Variants in WWP1 observed in about 807,000 individuals in gnomAD.
WWP1 encodes NEDD4-like E3 ubiquitin-protein ligase WWP1.
A neutral mutation model predicts 130.6 loss-of-function variants in WWP1; 49 were observed. The observed-to-expected ratio is 0.38, with a 90% confidence interval of 0.30 to 0.48. The LOEUF (loss-of-function observed/expected upper bound fraction) is 0.48. Ranked by LOEUF, WWP1 falls within the 20% of genes least tolerant of loss-of-function variation. The probability of loss-of-function intolerance (pLI) is 0.99; values close to 1 mark genes in which losing one functional copy is unlikely to be tolerated. For synonymous variants in WWP1, 332 were observed against 367.8 expected (o/e 0.90, Z 1.11); for missense variants, 809 against 1,100.6 (o/e 0.74, Z 3.75).
chr8:86,362,163 CATATATATATATATATATAT>C lies in WWP1; in HGVS notation c.-114-6756_-114-6737del, dbSNP rs34231831. The stretch of plus-strand genomic sequence containing the variant: ...ATACTAGGCATATATATATACAAGG[CATATATATATATATATATAT>C]ATATATATATATATATATACTGGAA... On this transcript the variant is annotated intron_variant, in intron 1 of 24. Coordinates refer to ENST00000517970, the MANE Select transcript of WWP1 (RefSeq NM_007013.4). Among the ~76,000 whole-genome samples, 147 of 59,022 alleles carry C rather than the reference CATATATATATATATATATAT, an allele frequency of 2.5e-3. 2 individuals carry two copies. The East Asian group carries it at 0.037, about 15-fold the overall frequency. The allele number at this position is 59,022 out of a possible 152,430, so 38.7% of individuals were successfully genotyped here.
intron 4 of WWP1, among the ~76,000 whole-genome samples, chr8:86,381,127 G>A (rs1345790329): frequency 6.6e-6 from 1 of 152,022 alleles, no homozygotes; most frequent in Non-Finnish European, 1.5e-5. Flanking sequence ...CTGCAAATTA[G>A]TCATTCTTAA....
At chr8:86,423,855 G>T (rs1355947498) in intron 9 of WWP1, among the ~76,000 whole-genome samples, 1 of 136,788 alleles carries the variant, frequency 7.3e-6, no homozygotes, top group Non-Finnish European at 1.6e-5. Context: ...GGGCAGAGGC[G>T]CCCCCCACCT....
chr8:86,381,211 T>A (rs1343987096), intron 4 of WWP1, among the ~76,000 whole-genome samples: 2 of 152,222 alleles, frequency 1.3e-5, no homozygotes, highest in African/African-American at 4.8e-5. Flanking sequence ...TAGACATTTG[T>A]TCAAATACAA....
chr8:86,392,182 T>C (rs780490492), intron 5 of WWP1, among the ~76,000 whole-genome samples: 4 of 152,190 alleles, frequency 2.6e-5, no homozygotes, highest in Non-Finnish European at 5.9e-5. Context: ...AAATCATTTG[T>C]GCTGAGTTTG....
chr8:86,364,833 A>AAGAGAGAGAGAGAGAGAGAGAG (rs1012959189), intron 1 of WWP1, among the ~76,000 whole-genome samples: 1 of 113,742 alleles, frequency 8.8e-6, no homozygotes, highest in African/African-American at 3.1e-5. Context: ...GAAAGAAAGA[A>AAGAGAGAGAGAGAGAGAGAGAG]AGAGAGAGAG....
At chr8:86,444,883 T>C (rs922628140) in intron 18 of WWP1, among the ~76,000 whole-genome samples, 6 of 152,124 alleles carry the variant, frequency 3.9e-5, no homozygotes, top group African/African-American at 1.2e-4. Flanking sequence ...ACTAAGTATC[T>C]TAGTCTGTTT....
At chr8:86,351,475 A>G (rs936286097) in intron 1 of WWP1, among the ~76,000 whole-genome samples, 1 of 151,160 alleles carries the variant, frequency 6.6e-6, no homozygotes, top group African/African-American at 2.4e-5. Flanking sequence ...AGTAGCTGGG[A>G]CTACAGTTAC....
At chr8:86,379,468 G>A (rs922401705) in intron 3 of WWP1, among the ~76,000 whole-genome samples, 4 of 152,154 alleles carry the variant, frequency 2.6e-5, no homozygotes, top group East Asian at 3.9e-4. Flanking sequence ...CTTAACATCC[G>A]GTGTGTATGA....
At chr8:86,369,088 A>G (rs1457764790) in intron 2 of WWP1, 57 bp downstream of exon 2, 2 of 152,146 alleles carry the variant, frequency 1.3e-5, no homozygotes, top group Non-Finnish European at 2.9e-5. Context: ...CAGACTTCAT[A>G]CATTTTGATA....
Position 86,411,695 on chromosome 8 carries a change from A to G in WWP1, c.882A>G (p.Glu294=), listed in dbSNP as rs1808595764. Residue 294 remains glutamate, a synonymous_variant, in exon 9 of 25, where the codon GAA becomes GAG. Coordinates refer to ENST00000517970, the MANE Select transcript of WWP1 (RefSeq NM_007013.4). ...QEILTSSENN[E]CIPSTSAELE... ...TACTGACTTCCTCAGAAAACAATGA[A>G]TGTATTCCTTCTACCAGTGCAGAAT... 6.2e-7 allele frequency: 1 copy of G among 1,614,166 alleles called. No homozygotes were observed. Among genetic ancestry groups the G allele is most frequent in the Non-Finnish European group, 8.5e-7 (1 of 1,180,022 alleles).
chr8:86,379,387 G>A lies in WWP1; in HGVS notation c.71-1339G>A, dbSNP rs1397054454. On this transcript the variant is annotated intron_variant, in intron 3 of 24. Coordinates refer to ENST00000517970, the MANE Select transcript of WWP1 (RefSeq NM_007013.4). ...CACATTGTATTTCAGTGATTTATTT[G>A]TGTGACTATTTAGATTATTATTCTC... 3.3e-5 allele frequency among the ~76,000 whole-genome samples: 5 copies of A among 152,108 alleles called. No homozygotes were observed. The East Asian group carries it at 5.8e-4, about 18-fold the overall frequency.
chr8:86,421,822 C>G (rs920178504), intron 9 of WWP1, among the ~76,000 whole-genome samples: 3 of 143,142 alleles, frequency 2.1e-5, no homozygotes, highest in African/African-American at 7.7e-5. Context: ...GACGCCATCT[C>G]AAAAAAAAAA....
chr8:86,427,347 T>C (rs995797471), intron 10 of WWP1, among the ~76,000 whole-genome samples: 7 of 151,242 alleles, frequency 4.6e-5, no homozygotes, highest in Admixed American at 4.6e-4. Flanking sequence ...TGTATACCTG[T>C]GTAACAAACC....
At chr8:86,407,817 C>T (rs931113758) in intron 8 of WWP1, among the ~76,000 whole-genome samples, 11 of 152,168 alleles carry the variant, frequency 7.2e-5, no homozygotes, top group African/African-American at 2.7e-4. Context: ...TCCCATCCCA[C>T]TCAGAGTTTT....
chr8:86,458,775 T>G, intron 22 of WWP1, among the ~76,000 whole-genome samples: 1 of 152,296 alleles, frequency 6.6e-6, no homozygotes, highest in East Asian at 1.9e-4. Context: ...TTCATAAGGA[T>G]GTATGTTGTG....
At chr8:86,457,429 G>A (rs10090711) in intron 21 of WWP1, among the ~76,000 whole-genome samples, 4,846 of 42,474 alleles carry the variant, frequency 0.11, 118 homozygotes, top group South Asian at 0.24. Context: ...CTGTCTGTCT[G>A]TCTATCTATC....
chr8:86,427,069 A>G (rs1029192232), intron 10 of WWP1, among the ~76,000 whole-genome samples: 1 of 152,056 alleles, frequency 6.6e-6, no homozygotes, highest in Non-Finnish European at 1.5e-5. Flanking sequence ...AGGCTGAGGC[A>G]GGAAAATCAC....
rs755922522 is a variant in WWP1 at position 86,431,732 on chromosome 8, G to A, written c.1590G>A (p.Gly530=). The change falls in exon 14 of 25, where the codon GGG becomes GGA. Residue 530 remains glycine (G), a synonymous_variant. Transcript: ENST00000517970. ...CAACATTCAAAGATCCTCGCAATGG[G>A]AAGTCATCTGTGTGAGTGAAAACCT... is the stretch of plus-strand genomic sequence containing the variant. The part of the protein sequence containing the change: ...RTTTFKDPRN[G]KSSVTKGGPQ... 114 of 1,613,770 alleles carry A rather than the reference G, an allele frequency of 7.1e-5. No homozygotes were observed. The South Asian group carries it at 1.2e-3, about 17-fold the overall frequency.
chr8:86,454,327 C>A (rs2130763512), intron 21 of WWP1, among the ~76,000 whole-genome samples: 1 of 151,576 alleles, frequency 6.6e-6, no homozygotes, highest in Admixed American at 6.6e-5. Flanking sequence ...TTCTTTTTCT[C>A]AAATATTTTC....
Sources: gnomAD v4.1 joint callset for allele counts (sites outside exome capture counted in the v4.1 genomes callset) on GRCh38, gnomAD v4.1.1 for gene constraint, MANE v1.5 for transcripts, NCBI Gene and HGNC (gene_info 2026-07-23, HGNC 2026-07-21) for gene names.